PLXDC2: variants seen among roughly 807,000 people sequenced by gnomAD.
PLXDC2 encodes the protein plexin domain containing 2, also known as plexin domain-containing protein 2.
Under a neutral mutation model 68.9 loss-of-function variants are expected in PLXDC2, and 40 were observed. That is an observed-to-expected ratio of 0.58 (90% confidence interval 0.45 to 0.76). The LOEUF is 0.76. Among genes scored for constraint, PLXDC2 ranks in the 30% least tolerant of loss-of-function variants. The pLI, the probability that PLXDC2 is intolerant of heterozygous loss-of-function variation, is 0.00. For synonymous variants in PLXDC2, 243 were observed against 234.2 expected (o/e 1.04, Z -0.34); for missense variants, 644 against 661.9 (o/e 0.97, Z 0.30).
At chr10:20,123,572 A>C (rs1227457174) in intron 4 of PLXDC2, among the ~76,000 whole-genome samples, 1 of 152,126 alleles carries the variant, frequency 6.6e-6, no homozygotes, top group Non-Finnish European at 1.5e-5. Flanking sequence ...TGAGAGTTGA[A>C]GAGGTTTTAA....
At chr10:20,137,666 G>A (rs1474986391) in intron 4 of PLXDC2, among the ~76,000 whole-genome samples, 2 of 152,212 alleles carry the variant, frequency 1.3e-5, no homozygotes, top group East Asian at 1.9e-4. Context: ...TCCAATGAGG[G>A]AGAGTACATA....
At chr10:20,000,039 T>G (rs1031738302) in intron 1 of PLXDC2, among the ~76,000 whole-genome samples, 1 of 152,186 alleles carries the variant, frequency 6.6e-6, no homozygotes, top group Non-Finnish European at 1.5e-5. Context: ...TAATTTTGCC[T>G]GGTCCGATGA....
At chr10:20,031,732 A>G (rs1015596270) in intron 2 of PLXDC2, among the ~76,000 whole-genome samples, 1 of 152,186 alleles carries the variant, frequency 6.6e-6, no homozygotes, top group African/African-American at 2.4e-5. Context: ...CGTGTGTGGA[A>G]TATCTGTTAG....
At chr10:20,213,157 G>C (rs1028629019) in intron 10 of PLXDC2, among the ~76,000 whole-genome samples, 3 of 151,646 alleles carry the variant, frequency 2.0e-5, no homozygotes, top group Non-Finnish European at 2.9e-5. Flanking sequence ...TGTTATTTTT[G>C]TGTATTTTTT....
intron 4 of PLXDC2, among the ~76,000 whole-genome samples, chr10:20,087,403 T>A (rs1833214372): frequency 6.6e-6 from 1 of 152,194 alleles, no homozygotes; most frequent in African/African-American, 2.4e-5. Context: ...ATTAAAAAAA[T>A]TTGCCAAGTT....
intron 1 of PLXDC2, among the ~76,000 whole-genome samples, chr10:19,835,818 G>T (rs550866544): frequency 6.6e-6 from 1 of 152,184 alleles, no homozygotes; most frequent in East Asian, 1.9e-4. Context: ...ATTGTGGTAG[G>T]GTAGTGATGA....
At chr10:20,197,680 A>C (rs1834858364) in intron 9 of PLXDC2, among the ~76,000 whole-genome samples, 2 of 151,558 alleles carry the variant, frequency 1.3e-5, no homozygotes, top group African/African-American at 4.9e-5. Flanking sequence ...TTTTCTTGAG[A>C]TGGAGTCTTG....
At chr10:20,225,377 T>G (rs1262477767) in intron 12 of PLXDC2, among the ~76,000 whole-genome samples, 1 of 152,198 alleles carries the variant, frequency 6.6e-6, no homozygotes, top group African/African-American at 2.4e-5. Flanking sequence ...TTTGTTGATT[T>G]TTTTTGTACA....
chr10:19,912,635 A>G (rs1383517409), intron 1 of PLXDC2, among the ~76,000 whole-genome samples: 1 of 152,140 alleles, frequency 6.6e-6, no homozygotes, highest in Non-Finnish European at 1.5e-5. Context: ...TTCCTTAAAG[A>G]TCCTTATTTT....
At chr10:20,067,584 G>A (rs1425093179) in intron 3 of PLXDC2, among the ~76,000 whole-genome samples, 1 of 151,980 alleles carries the variant, frequency 6.6e-6, no homozygotes, top group East Asian at 1.9e-4. Context: ...CTACTTGGGA[G>A]GTTGAGGCAG....
intron 13 of PLXDC2, among the ~76,000 whole-genome samples, chr10:20,269,600 A>C (rs1292904667): frequency 1.3e-5 from 2 of 152,198 alleles, no homozygotes; most frequent in South Asian, 2.1e-4. Flanking sequence ...CTATGTGTTA[A>C]TATCTATGGG....
In PLXDC2 at chr10:20,147,778, G is replaced by C; in HGVS notation, c.665-6G>C. ...TGCATTTCTTCTTTTTTCAATGGGTGTATAGGCACAGCACTTGTGGTCCAG... is the reference window on the plus strand; with the variant it reads ...TGCATTTCTTCTTTTTTCAATGGGTCTATAGGCACAGCACTTGTGGTCCAG... On this transcript the variant is annotated splice_polypyrimidine_tract_variant and splice_region_variant and intron_variant, in intron 5 of 13. Coordinates refer to ENST00000377252, the MANE Select transcript of PLXDC2 (RefSeq NM_032812.9). The C allele has an allele frequency of 1.3e-6, 2 of 1,557,614 alleles. No homozygotes were observed. The highest frequency in any genetic ancestry group is 2.2e-5 in the South Asian group (2 of 89,494).
intron 1 of PLXDC2, among the ~76,000 whole-genome samples, chr10:19,891,415 C>G (rs1333317622): frequency 6.8e-6 from 1 of 146,530 alleles, no homozygotes; most frequent in African/African-American, 2.5e-5. Context: ...TCCCTTTTTT[C>G]TTCCACAATC....
rs1371323424 is a variant in PLXDC2 at position 20,288,491 on chromosome 10, A to G, written c.*8672A>G. ...AATGATTGTATCTGAATCTGCACTAATGGTGTCTGAGAGCAAAAAGAGTGT... is the reference window on the plus strand; with the variant it reads ...AATGATTGTATCTGAATCTGCACTAGTGGTGTCTGAGAGCAAAAAGAGTGT... On this transcript the variant is annotated 3_prime_UTR_variant, in exon 14 of 14. Transcript: ENST00000377252. 1 of 152,060 alleles carries G rather than the reference A, an allele frequency of 6.6e-6. No homozygotes were observed. The highest frequency in any genetic ancestry group is 1.5e-5 in the Non-Finnish European group (1 of 67,994). The allele number at this position is 152,060 out of a possible 1,614,324, so 9.4% of individuals were successfully genotyped here. A position where few individuals can be genotyped will look rare whatever the true frequency, so the allele number is the denominator to read the frequency against.
At chr10:20,170,925 C>G (rs1050277076) in intron 7 of PLXDC2, among the ~76,000 whole-genome samples, 5 of 151,638 alleles carry the variant, frequency 3.3e-5, no homozygotes, top group Non-Finnish European at 7.4e-5. Context: ...ATTCTTATTT[C>G]TTCTTTGCTT....
At position 19,883,052 on chromosome 10, in the gene PLXDC2, G is replaced by A. The variant is rs796206126; in HGVS notation, c.112+65861G>A. 4.9e-4 allele frequency among the ~76,000 whole-genome samples: 74 copies of A among 151,186 alleles called. 1 individual carries two copies. Among genetic ancestry groups the A allele is most frequent in the African/African-American group, 1.7e-3 (69 of 41,180 alleles). ...GCTCACTACAAGCTCCGCCTCCCGGGTTCACGCCGTTCTCCTGCCTCAGCC... is the reference window on the plus strand; with the variant it reads ...GCTCACTACAAGCTCCGCCTCCCGGATTCACGCCGTTCTCCTGCCTCAGCC... On this transcript the variant is annotated intron_variant, in intron 1 of 13. Transcript: ENST00000377252.
intron 13 of PLXDC2, among the ~76,000 whole-genome samples, chr10:20,259,088 A>G (rs772271016): frequency 1.7e-4 from 26 of 152,122 alleles, no homozygotes; most frequent in Non-Finnish European, 3.4e-4. Flanking sequence ...AGCTACAACC[A>G]CTTAGATAGC....
chr10:20,129,760 A>G (rs995217574), intron 4 of PLXDC2, among the ~76,000 whole-genome samples: 4 of 152,086 alleles, frequency 2.6e-5, no homozygotes, highest in Non-Finnish European at 5.9e-5. Context: ...ATTATTTATT[A>G]AAGAGACTAC....
chr10:19,912,241 T>C (rs968562319), intron 1 of PLXDC2, among the ~76,000 whole-genome samples: 3 of 152,202 alleles, frequency 2.0e-5, no homozygotes, highest in African/African-American at 7.2e-5. Context: ...AGCCAGTTGA[T>C]ATTTTAAAAA....
Sources: allele counts gnomAD v4.1 joint callset (sites outside exome capture counted in the v4.1 genomes callset), GRCh38; gene constraint gnomAD v4.1.1; transcripts MANE v1.5; gene names NCBI Gene and HGNC (gene_info 2026-07-23, HGNC 2026-07-21).